MUC5AC: variants seen among roughly 807,000 people sequenced by gnomAD.
The protein encoded by MUC5AC is mucin 5AC, oligomeric mucus/gel-forming.
Under a neutral mutation model 169.7 loss-of-function variants are expected in MUC5AC, and 158 were observed. The ratio of observed to expected loss-of-function variants is 0.93; its 90% CI spans 0.82 to 1.06. The LOEUF (loss-of-function observed/expected upper bound fraction) is 1.06, where lower values mean the gene tolerates loss of function less well. MUC5AC is among the 50% of genes least tolerant of loss of function. The pLI is 0.00. For synonymous variants in MUC5AC, 1,975 were observed against 1,237.0 expected (o/e 1.60, Z -12.52); for missense variants, 4,359 against 3,089.9 (o/e 1.41, Z -9.74).
intron 19 of MUC5AC, among the ~76,000 whole-genome samples, chr11:1,175,730 A>G (rs1363580558): frequency 3.6e-5 from 5 of 138,352 alleles, no homozygotes; most frequent in Non-Finnish European, 7.8e-5. Flanking sequence ...ACACCCACTC[A>G]TGCACACACA....
At chr11:1,195,326 C>T (rs1378808533) in intron 36 of MUC5AC, 47 bp downstream of exon 36, 3 of 744,896 alleles carry the variant, frequency 4.0e-6, no homozygotes, top group East Asian at 2.5e-5. Flanking sequence ...GCCGCCCCAC[C>T]TCCCACCCTT....
chr11:1,186,384 A>C lies in MUC5AC; in HGVS notation c.8239A>C (p.Arg2747=), dbSNP rs1273167357. The change falls in exon 31 of 49, where the codon AGA becomes CGA. Residue 2747 remains arginine (R), a synonymous_variant. Coordinates refer to ENST00000621226, the MANE Select transcript of MUC5AC (RefSeq NM_001304359.2). The part of the protein sequence containing the change: ...TTSTTSAPTP[R]RTSAPTTSTI... ...CAGCACGACCTCTGCTCCTACACCCAGAAGAACCTCAGCCCCTACAACCAG... is the reference window on the plus strand; with the variant it reads ...CAGCACGACCTCTGCTCCTACACCCCGAAGAACCTCAGCCCCTACAACCAG... The C allele has an allele frequency of 2.8e-6, 2 of 709,562 alleles. No individual in the cohort carries two copies. The highest frequency in any genetic ancestry group is 3.5e-5 in the African/African-American group (2 of 57,282). 44.0% of individuals were successfully genotyped at this position (709,562 alleles called of 1,614,324 possible). A position where few individuals can be genotyped will look rare whatever the true frequency, so the allele number is the denominator to read the frequency against.
At position 1,187,698 on chromosome 11, in the gene MUC5AC, G is replaced by A. The variant is rs1452555143; in HGVS notation, c.9553G>A (p.Gly3185Arg). ...ASTTSTTPGPGTTPSPVPTTS... is the reference protein window; with the variant it reads ...ASTTSTTPGPRTTPSPVPTTS... ...TACAACCAGCACAACCCCTGGTCCTGGAACCACTCCCAGCCCCGTTCCCAC... is the reference window on the plus strand; with the variant it reads ...TACAACCAGCACAACCCCTGGTCCTAGAACCACTCCCAGCCCCGTTCCCAC... The change falls in exon 31 of 49, where the codon GGA becomes AGA. Residue 3185 changes from glycine to arginine, a missense_variant. Physicochemically the swap from Gly to Arg is moderately radical, Grantham distance 125. Transcript: ENST00000621226. 137 of 764,658 alleles carry A rather than the reference G, an allele frequency of 1.8e-4. No individual in the cohort carries two copies. The highest frequency in any genetic ancestry group is 2.8e-4 in the Non-Finnish European group (119 of 417,700). The allele number at this position is 764,658 out of a possible 1,614,324, so 47.4% of individuals were successfully genotyped here.
chr11:1,188,821 G>T lies in MUC5AC; in HGVS notation c.10676G>T (p.Arg3559Leu). The T allele has an allele frequency of 1.4e-6, 1 of 712,590 alleles. No individual in the cohort carries two copies. 44.1% of individuals were successfully genotyped at this position (712,590 alleles called of 1,614,324 possible). A position where few individuals can be genotyped will look rare whatever the true frequency, so the allele number is the denominator to read the frequency against. The change falls in exon 31 of 49, where the codon CGC (arginine) becomes CTC (leucine). Residue 3559 changes from arginine to leucine, a missense_variant. Physicochemically the swap from Arg to Leu is moderately radical, Grantham distance 102. Transcript: ENST00000621226. ...ATCAGGAGTGGGGAAAAAATCTGCC[G>T]CCGACCTGAGGAGATCACCAGGCTC... Reference protein sequence around the residue: ...NIIRSGEKICRRPEEITRLQC... With the variant: ...NIIRSGEKICLRPEEITRLQC...
Position 1,180,146 on chromosome 11 carries a change from G to A in MUC5AC, c.3609G>A (p.Leu1203=). 1 of 384,272 alleles carries A rather than the reference G, an allele frequency of 2.6e-6. No individual in the cohort carries two copies. The highest frequency in any genetic ancestry group is 4.5e-6 in the Non-Finnish European group (1 of 222,486). 23.8% of individuals were successfully genotyped at this position (384,272 alleles called of 1,614,324 possible). Reference sequence around the variant, plus strand: ...ACTGCCTGCGGGACGTCCGGGGCCTGGAAGGTGGGCTGGGGCCGGTCGGAG... The same window carrying A: ...ACTGCCTGCGGGACGTCCGGGGCCTAGAAGGTGGGCTGGGGCCGGTCGGAG... ...RGDCLRDVRG[L]EGCYPKCPPE... Residue 1203 remains leucine (L), a synonymous_variant, in exon 27 of 49, where the codon CTG becomes CTA. Transcript: ENST00000621226.
rs755885197 is a variant in MUC5AC, at chr11:1,164,129, C to A, written c.813C>A (p.His271Gln). ...AGGGCATCTGTGAGGAGCTCCTGCACGGCCAGCTGTTCTCTGGCTGCGTGG... is the reference window on the plus strand; with the variant it reads ...AGGGCATCTGTGAGGAGCTCCTGCAAGGCCAGCTGTTCTCTGGCTGCGTGG... ...TGFGICEELL[H>Q]GQLFSGCVAL... Residue 271 changes from histidine to glutamine, a missense_variant, in exon 8 of 49, where the codon CAC (histidine) becomes CAA (glutamine). Physicochemically the swap from His to Gln is conservative, Grantham distance 24. Transcript: ENST00000621226. 6.2e-7 allele frequency: 1 copy of A among 1,612,156 alleles called. No homozygotes were observed. Among genetic ancestry groups the A allele is most frequent in the South Asian group, 1.1e-5 (1 of 91,078 alleles).
rs758282099 is a variant in MUC5AC at position 1,194,185 on chromosome 11, C to G, written c.14831C>G (p.Thr4944Arg). 1.3e-6 allele frequency: 1 copy of G among 764,974 alleles called. No homozygotes were observed. The highest frequency in any genetic ancestry group is 1.3e-5 in the South Asian group (1 of 74,628). 47.4% of individuals were successfully genotyped at this position (764,974 alleles called of 1,614,324 possible). A position where few individuals can be genotyped will look rare whatever the true frequency, so the allele number is the denominator to read the frequency against. The change falls in exon 34 of 49, where the codon ACG (threonine) becomes AGG (arginine). Residue 4944 changes from threonine to arginine, a missense_variant. Coordinates refer to ENST00000621226, the MANE Select transcript of MUC5AC (RefSeq NM_001304359.2). ...GTYYTFLDNC[T>R]YVLVQQIVPV... ...TACTACACCTTCCTGGACAACTGCA[C>G]GTACGTGCTGGTGCAGCAGATTGTG...
At chr11:1,176,066 TG>T in intron 19 of MUC5AC, 84 bp from the exon 20 acceptor site, 1 of 397,890 alleles carries the variant, frequency 2.5e-6, no homozygotes, top group Non-Finnish European at 4.4e-6. Context: ...TGCACGCACA[TG>T]GCACAGACAC....
Position 1,162,078 on chromosome 11 carries a change from C to T in MUC5AC, c.383C>T (p.Ser128Leu), listed in dbSNP as rs769181922. Residue 128 changes from serine to leucine, a missense_variant, in exon 4 of 49, where the codon TCA becomes TTA. Ser to Leu is a moderately radical substitution (Grantham distance 145, BLOSUM62 -2). Transcript: ENST00000621226. ...FNIQLRRSQE[S>L]AAPTLSRVLM... is the part of the protein sequence containing the mutation. Reference sequence around the variant, plus strand: ...ATCCAGCTACGCCGCAGCCAGGAGTCAGCGGCCCCCACGCTGAGCAGGGTC... The same window carrying T: ...ATCCAGCTACGCCGCAGCCAGGAGTTAGCGGCCCCCACGCTGAGCAGGGTC... 1 of 1,612,574 alleles carries T rather than the reference C, an allele frequency of 6.2e-7. No individual in the cohort carries two copies. Among genetic ancestry groups the T allele is most frequent in the Non-Finnish European group, 8.5e-7 (1 of 1,179,758 alleles).
chr11:1,167,365 G>T (rs1242810549), intron 11 of MUC5AC, among the ~76,000 whole-genome samples: 1 of 152,150 alleles, frequency 6.6e-6, no homozygotes, highest in Non-Finnish European at 1.5e-5. Flanking sequence ...CTCCCACAAT[G>T]AGACCCTGCA....
At chr11:1,169,663 CTCACCCACTCACTCACCCATTCACCCAT>C (rs1860440907) in intron 15 of MUC5AC, among the ~76,000 whole-genome samples, 3 of 144,748 alleles carry the variant, frequency 2.1e-5, no homozygotes, top group East Asian at 2.2e-4. Context: ...CACTCACCCA[CTCACCCACTCACTCACCCATTCACCCAT>C]TCACCCACTC....
intron 20 of MUC5AC, 63 bp downstream of exon 20, chr11:1,176,314 T>C: frequency 2.5e-6 from 1 of 398,742 alleles, no homozygotes; most frequent in Admixed American, 4.4e-5. Flanking sequence ...TAAGGGCGCC[T>C]GTCCCCAGGG....
At chr11:1,196,803 C>G (rs1212290784) in intron 39 of MUC5AC, 74 bp from the exon 40 acceptor site, 4 of 739,682 alleles carry the variant, frequency 5.4e-6, no homozygotes, top group African/African-American at 5.1e-5. Flanking sequence ...TACCCTGGCC[C>G]CAATATGGGA....
chr11:1,184,640 C>T lies in MUC5AC; in HGVS notation c.6495C>T (p.Cys2165=), dbSNP rs1860887101. Residue 2165 remains cysteine (C), a synonymous_variant, in exon 31 of 49, where the codon TGC becomes TGT. Transcript: ENST00000621226. ...CTGAGGAGATCACCAGGCTCCAGTG[C>T]CGAGCCAAGAGCCACCCAGAGGTGA... is the stretch of plus-strand genomic sequence containing the variant. ...RRPEEITRLQ[C]RAKSHPEVSI... is the part of the protein sequence containing the mutation. The T allele has an allele frequency of 1.5e-6, 1 of 652,180 alleles. No individual in the cohort carries two copies. The allele number at this position is 652,180 out of a possible 1,614,324, so 40.4% of individuals were successfully genotyped here.
rs771804019 is a variant in MUC5AC at position 1,192,768 on chromosome 11, C to T, written c.14381-15C>T. ...AGGACTCCACTAAAGGCTGCCATGT[C>T]CCTTCCTCTTACAGGATCCACCATA... On this transcript the variant is annotated splice_polypyrimidine_tract_variant and intron_variant, in intron 31 of 48. Coordinates refer to ENST00000621226, the MANE Select transcript of MUC5AC (RefSeq NM_001304359.2). 3 of 749,238 alleles carry T rather than the reference C, an allele frequency of 4.0e-6. No homozygotes were observed. Among genetic ancestry groups the T allele is most frequent in the Non-Finnish European group, 7.4e-6 (3 of 406,076 alleles). The allele number at this position is 749,238 out of a possible 1,614,324, so 46.4% of individuals were successfully genotyped here.
At chr11:1,169,049 T>TA (rs1201810202) in intron 15 of MUC5AC, 23 bp downstream of exon 15, 3 of 1,533,288 alleles carry the variant, frequency 2.0e-6, no homozygotes, top group Non-Finnish European at 2.6e-6. Flanking sequence ...ACGGCTCGCC[T>TA]CTGTGCTGGC....
At chr11:1,196,260 G>T (rs917266751) in intron 37 of MUC5AC, 128 bp from the exon 38 acceptor site, 6 of 675,528 alleles carry the variant, frequency 8.9e-6, no homozygotes, top group African/African-American at 8.8e-5. Context: ...GGTGTGGGAG[G>T]CCGTAGCCAG....
chr11:1,181,616 A>G (rs1275496625), intron 30 of MUC5AC, among the ~76,000 whole-genome samples, 157 bp downstream of exon 30: 7 of 152,112 alleles, frequency 4.6e-5, no homozygotes, highest in Non-Finnish European at 8.8e-5. Flanking sequence ...GGGCTCGGGG[A>G]TGACCTGCTG....
chr11:1,179,138 C>A lies in MUC5AC; in HGVS notation c.3374C>A (p.Ala1125Asp). The A allele has an allele frequency of 3.0e-6, 2 of 663,738 alleles. No individual in the cohort carries two copies. The highest frequency in any genetic ancestry group is 5.5e-6 in the Non-Finnish European group (2 of 365,170). The allele number at this position is 663,738 out of a possible 1,614,324, so 41.1% of individuals were successfully genotyped here. ...GAGGCCTGCGTGAACGACGCGTGCG[C>A]CTGCGACTCCGGGGGTGACTGCGAG... Reference protein sequence around the residue: ...YYEACVNDACACDSGGDCECF... With the variant: ...YYEACVNDACDCDSGGDCECF... Residue 1125 changes from alanine to aspartate, a missense_variant, in exon 26 of 49, where the codon GCC becomes GAC. Ala to Asp is a moderately radical substitution (Grantham distance 126, BLOSUM62 -2). Coordinates refer to ENST00000621226, the MANE Select transcript of MUC5AC (RefSeq NM_001304359.2).
Sources: gnomAD v4.1 joint callset for allele counts (sites outside exome capture counted in the v4.1 genomes callset) on GRCh38, gnomAD v4.1.1 for gene constraint, MANE v1.5 for transcripts, NCBI Gene and HGNC (gene_info 2026-07-23, HGNC 2026-07-21) for gene names.